CTNNA2: variants seen among roughly 807,000 people sequenced by gnomAD.
The protein encoded by CTNNA2 is catenin alpha-2.
Under a neutral mutation model 101.0 loss-of-function variants are expected in CTNNA2, and 42 were observed. The ratio of observed to expected loss-of-function variants is 0.42; its 90% confidence interval spans 0.32 to 0.54. CTNNA2 has a LOEUF of 0.54. Ranked by LOEUF, CTNNA2 falls within the 20% of genes least tolerant of loss-of-function variation. CTNNA2 has a pLI of 0.14. For synonymous variants in CTNNA2, 450 were observed against 456.4 expected (o/e 0.99, Z 0.18); for missense variants, 871 against 1,223.1 (o/e 0.71, Z 4.29).
At chr2:79,247,261 C>T (rs1470259472) in intron 2 of CTNNA2, among the ~76,000 whole-genome samples, 1 of 152,158 alleles carries the variant, frequency 6.6e-6, no homozygotes, top group East Asian at 1.9e-4. Context: ...AATTCTTTTC[C>T]TTACTTTTAA....
intron 9 of CTNNA2, among the ~76,000 whole-genome samples, chr2:80,454,035 GAAAA>G (rs1485574766): frequency 2.6e-5 from 4 of 151,850 alleles, no homozygotes; most frequent in African/African-American, 4.8e-5. Context: ...GAAAAAAAAA[GAAAA>G]GAATAAAAGA....
At chr2:80,562,522 A>C (rs1693698568) in intron 12 of CTNNA2, among the ~76,000 whole-genome samples, 1 of 152,224 alleles carries the variant, frequency 6.6e-6, no homozygotes, top group African/African-American at 2.4e-5. Flanking sequence ...TAGATGTGCA[A>C]AATGGAGGAA....
intron 1 of CTNNA2, among the ~76,000 whole-genome samples, chr2:79,632,809 A>G (rs933454702): frequency 7.9e-5 from 12 of 152,256 alleles, no homozygotes; most frequent in Admixed American, 3.3e-4. Context: ...CCACTGATAC[A>G]GAATAGGAAC....
chr2:79,694,697 C>G (rs1684539370), intron 2 of CTNNA2, among the ~76,000 whole-genome samples: 1 of 151,760 alleles, frequency 6.6e-6, no homozygotes, highest in Non-Finnish European at 1.5e-5. Flanking sequence ...TGGAAAGACT[C>G]TCTGTTTTTC....
intron 7 of CTNNA2, among the ~76,000 whole-genome samples, chr2:80,375,562 C>CTTTTTTTTTTTTTTTTTTTTTTTTT (rs199662476): frequency 1.9e-5 from 2 of 105,620 alleles, no homozygotes; most frequent in African/African-American, 4.2e-5. Context: ...TTTCTGGCTT[C>CTTTTTTTTTTTTTTTTTTTTTTTTT]TTTTTTTTTT....
chr2:79,998,151 A>T (rs1195000185), intron 7 of CTNNA2, among the ~76,000 whole-genome samples: 1 of 152,208 alleles, frequency 6.6e-6, no homozygotes, highest in Non-Finnish European at 1.5e-5. Flanking sequence ...GAAATGAACC[A>T]TTTTTAATGG....
chr2:79,422,221 C>G (rs1678547527), intron 4 of CTNNA2, among the ~76,000 whole-genome samples: 1 of 152,056 alleles, frequency 6.6e-6, no homozygotes, highest in Non-Finnish European at 1.5e-5. Flanking sequence ...ATATTTCTAC[C>G]CAATGGTAGA....
At chr2:80,111,359 T>C (rs955260701) in intron 7 of CTNNA2, among the ~76,000 whole-genome samples, 1 of 152,200 alleles carries the variant, frequency 6.6e-6, no homozygotes, top group Non-Finnish European at 1.5e-5. Flanking sequence ...CATGAGAAAT[T>C]GGTTTGCTGC....
At chr2:80,033,070 G>T (rs1695402040) in intron 7 of CTNNA2, among the ~76,000 whole-genome samples, 1 of 146,276 alleles carries the variant, frequency 6.8e-6, no homozygotes, top group Admixed American at 6.9e-5. Context: ...AGAATTGCTT[G>T]AACCTGGGAG....
chr2:79,327,183 A>G (rs1481404593), intron 3 of CTNNA2, among the ~76,000 whole-genome samples: 1 of 152,232 alleles, frequency 6.6e-6, no homozygotes, highest in African/African-American at 2.4e-5. Context: ...TGTCATTTTC[A>G]GAAACATTGT....
chr2:79,377,425 A>G (rs988833204), intron 4 of CTNNA2, among the ~76,000 whole-genome samples: 10 of 152,180 alleles, frequency 6.6e-5, no homozygotes, highest in Non-Finnish European at 1.3e-4. Flanking sequence ...ATAATTTTTT[A>G]TTTGTACAAA....
At chr2:79,509,494 G>A (rs1480289335), upstream of CTNNA2, among the ~76,000 whole-genome samples, 2 of 152,132 alleles carry the variant, frequency 1.3e-5, no homozygotes, top group Admixed American at 6.6e-5. Context: ...CTAAGTGAAA[G>A]AAGCCAATCT....
At chr2:79,606,546 G>A (rs1677906610) in intron 1 of CTNNA2, among the ~76,000 whole-genome samples, 1 of 152,092 alleles carries the variant, frequency 6.6e-6, no homozygotes, top group East Asian at 1.9e-4. Context: ...GGGATTACAG[G>A]CGTGAGCCAC....
rs182128383 is a variant in CTNNA2 at position 79,265,080 on chromosome 2, A to C, written c.-405-47629A>C. On this transcript the variant is annotated intron_variant, in intron 2 of 21. Transcript: ENST00000466387. ...CTCTCATCCATATTAACATGCTTCC[A>C]GTGTAACAGTATTGAATTTTGAGGA... Among the ~76,000 whole-genome samples, 129 of 152,278 alleles carry C rather than the reference A, an allele frequency of 8.5e-4. 1 individual carries two copies. The Middle Eastern group carries it at 0.014, about 16-fold the overall frequency.
chr2:79,285,815 C>G (rs1244828801), intron 2 of CTNNA2, among the ~76,000 whole-genome samples: 1 of 147,160 alleles, frequency 6.8e-6, no homozygotes, highest in African/African-American at 2.6e-5. Context: ...TCCTTGTTAA[C>G]TTTCTGTCTC....
At chr2:79,893,255 T>C (rs187765952) in intron 6 of CTNNA2, among the ~76,000 whole-genome samples, 44 of 152,284 alleles carry the variant, frequency 2.9e-4, no homozygotes, top group African/African-American at 9.4e-4. Context: ...AAGTTAACTT[T>C]CTAAAAATCA....
At chr2:80,168,369 A>G (rs963347910) in intron 7 of CTNNA2, among the ~76,000 whole-genome samples, 4 of 152,174 alleles carry the variant, frequency 2.6e-5, no homozygotes, top group African/African-American at 7.2e-5. Flanking sequence ...GAAAATATCT[A>G]TAAAAGCCAA....
At chr2:79,926,944 T>C (rs1687060982) in intron 7 of CTNNA2, among the ~76,000 whole-genome samples, 1 of 151,964 alleles carries the variant, frequency 6.6e-6, no homozygotes, top group South Asian at 2.1e-4. Flanking sequence ...GAGAGCTGGG[T>C]TGAGATACTG....
chr2:79,800,177 T>G (rs546716471), intron 3 of CTNNA2, among the ~76,000 whole-genome samples: 1 of 152,218 alleles, frequency 6.6e-6, no homozygotes, highest in East Asian at 1.9e-4. Context: ...AATTCAAATT[T>G]GAAAAGAAAA....
Sources: gnomAD v4.1 joint callset for allele counts (sites outside exome capture counted in the v4.1 genomes callset) on GRCh38, gnomAD v4.1.1 for gene constraint, MANE v1.5 for transcripts, NCBI Gene and HGNC (gene_info 2026-07-23, HGNC 2026-07-21) for gene names.